The following CNTNAP2 variants were observed in gnomAD, a reference collection of about 807,000 sequenced individuals.
CNTNAP2 encodes contactin associated protein 2, also known as contactin-associated protein-like 2.
Under a neutral mutation model 155.2 loss-of-function variants are expected in CNTNAP2, and 98 were observed. The observed-to-expected ratio is 0.63, with a 90% confidence interval of 0.54 to 0.75. The LOEUF (loss-of-function observed/expected upper bound fraction) is 0.75, where lower values mean the gene tolerates loss of function less well. Ranked by LOEUF, CNTNAP2 falls within the 30% of genes least tolerant of loss-of-function variation. The pLI is 0.00. For missense variants in CNTNAP2, 1,727 were observed against 1,688.1 expected (o/e 1.02, Z -0.40); for synonymous variants, 651 against 631.2 (o/e 1.03, Z -0.47).
chr7:147,001,586 C>T (rs372274732), intron 3 of CNTNAP2, among the ~76,000 whole-genome samples: 2 of 152,018 alleles, frequency 1.3e-5, no homozygotes, highest in African/African-American at 4.8e-5. Flanking sequence ...CTTTCCAACA[C>T]AAATGCCTTC....
At chr7:148,334,790 G>C (rs1798088267) in intron 21 of CNTNAP2, among the ~76,000 whole-genome samples, 1 of 152,228 alleles carries the variant, frequency 6.6e-6, no homozygotes, top group Admixed American at 6.5e-5. Flanking sequence ...GCAAAGGCCT[G>C]CCTGGGGGAA....
intron 1 of CNTNAP2, among the ~76,000 whole-genome samples, chr7:146,168,153 C>G (rs951309149): frequency 2.6e-5 from 4 of 152,112 alleles, no homozygotes; most frequent in African/African-American, 4.8e-5. Flanking sequence ...TCTGCCTATT[C>G]CAGTCCACTG....
chr7:147,605,592 G>A (rs142926912), intron 12 of CNTNAP2, among the ~76,000 whole-genome samples: 6 of 152,178 alleles, frequency 3.9e-5, no homozygotes, highest in Non-Finnish European at 5.9e-5. Flanking sequence ...CATGGTGTCC[G>A]CCCTTCTTGT....
At chr7:147,308,180 G>A (rs1335329584) in intron 9 of CNTNAP2, among the ~76,000 whole-genome samples, 3 of 152,188 alleles carry the variant, frequency 2.0e-5, no homozygotes, top group Admixed American at 1.3e-4. Flanking sequence ...TGGTAGAGGG[G>A]AAAGCAAGTG....
At chr7:148,048,641 A>G (rs1429675778) in intron 15 of CNTNAP2, among the ~76,000 whole-genome samples, 2 of 152,094 alleles carry the variant, frequency 1.3e-5, no homozygotes, top group Non-Finnish European at 2.9e-5. Context: ...GATAGAGGGG[A>G]ATTCGAGAAG....
intron 1 of CNTNAP2, among the ~76,000 whole-genome samples, chr7:146,437,035 C>T (rs979715730): frequency 1.3e-5 from 2 of 151,510 alleles, no homozygotes; most frequent in Non-Finnish European, 2.9e-5. Context: ...CCGGGCCGCA[C>T]GGCAGGAGGT....
At chr7:147,893,028 A>G (rs191887084) in intron 13 of CNTNAP2, among the ~76,000 whole-genome samples, 13 of 152,324 alleles carry the variant, frequency 8.5e-5, no homozygotes, top group African/African-American at 3.1e-4. Flanking sequence ...CCAAACTCAC[A>G]TCACCATCTG....
chr7:146,321,710 A>G (rs1338365381), intron 1 of CNTNAP2, among the ~76,000 whole-genome samples: 1 of 152,196 alleles, frequency 6.6e-6, no homozygotes, highest in Non-Finnish European at 1.5e-5. Flanking sequence ...GGAGTGATGG[A>G]CAAAGCTAGG....
At chr7:148,195,471 G>A (rs751021482) in intron 18 of CNTNAP2, among the ~76,000 whole-genome samples, 5 of 152,168 alleles carry the variant, frequency 3.3e-5, no homozygotes, top group Non-Finnish European at 7.3e-5. Flanking sequence ...ACCTTTCTCT[G>A]TAGCATTAAA....
chr7:147,802,756 G>A (rs1798025639), intron 13 of CNTNAP2, among the ~76,000 whole-genome samples: 2 of 146,484 alleles, frequency 1.4e-5, no homozygotes, highest in African/African-American at 2.6e-5. Flanking sequence ...GGCATCAGAG[G>A]GAGACTGTGG....
intron 10 of CNTNAP2, among the ~76,000 whole-genome samples, chr7:147,412,267 C>G (rs1797116047): frequency 6.6e-6 from 1 of 152,218 alleles, no homozygotes; most frequent in South Asian, 2.1e-4. Flanking sequence ...TCCATCCCCT[C>G]TAGCCACGCT....
At chr7:146,143,133 T>C (rs1377657124) in intron 1 of CNTNAP2, among the ~76,000 whole-genome samples, 1 of 152,212 alleles carries the variant, frequency 6.6e-6, no homozygotes, top group Non-Finnish European at 1.5e-5. Context: ...TGTGTGGCTC[T>C]ATGTTGTGGC....
At chr7:147,365,516 C>T (rs1157171980) in intron 9 of CNTNAP2, among the ~76,000 whole-genome samples, 1 of 147,506 alleles carries the variant, frequency 6.8e-6, no homozygotes, top group Non-Finnish European at 1.5e-5. Context: ...TAAATATTTT[C>T]TACTATTCTA....
chr7:148,287,723 G>C (rs1563026401), intron 21 of CNTNAP2, among the ~76,000 whole-genome samples: 2 of 152,062 alleles, frequency 1.3e-5, no homozygotes, highest in South Asian at 4.1e-4. Flanking sequence ...GCATGGTGGA[G>C]GGCATCACAT....
In CNTNAP2 at chr7:146,333,614, A is replaced by G. The variant is rs1801221805; in HGVS notation, c.97+216641A>G. Among the ~76,000 whole-genome samples, 5 of 152,192 alleles carry G rather than the reference A, an allele frequency of 3.3e-5. No homozygotes were observed. The South Asian group carries it at 1.0e-3, about 32-fold the overall frequency. On this transcript the variant is annotated intron_variant, in intron 1 of 23. Coordinates refer to ENST00000361727, the MANE Select transcript of CNTNAP2 (RefSeq NM_014141.6). ...TCCAAGTCACATTTCTCTCTTAGTA[A>G]TCATATTATTAATATCAGTTAAGGA...
intron 15 of CNTNAP2, among the ~76,000 whole-genome samples, chr7:148,082,589 T>C (rs1426502149): frequency 1.3e-5 from 2 of 152,058 alleles, no homozygotes; most frequent in Non-Finnish European, 2.9e-5. Context: ...GAGAGAGAGC[T>C]TCAGGGAGGT....
At chr7:148,270,961 T>G (rs952747151) in intron 21 of CNTNAP2, among the ~76,000 whole-genome samples, 1 of 152,210 alleles carries the variant, frequency 6.6e-6, no homozygotes, top group South Asian at 2.1e-4. Context: ...AGACTTTTTT[T>G]GAAACTAATC....
At chr7:146,443,579 A>C (rs1796358833) in intron 1 of CNTNAP2, among the ~76,000 whole-genome samples, 1 of 152,222 alleles carries the variant, frequency 6.6e-6, no homozygotes. Flanking sequence ...TCCATCTAAC[A>C]ACCAGTTTAT....
intron 1 of CNTNAP2, among the ~76,000 whole-genome samples, chr7:146,315,867 C>T (rs1231957692): frequency 6.6e-6 from 1 of 152,112 alleles, no homozygotes; most frequent in Non-Finnish European, 1.5e-5. Flanking sequence ...ATGGGCCAGA[C>T]AGACATTCAT....
Sources: allele counts gnomAD v4.1 joint callset (sites outside exome capture counted in the v4.1 genomes callset), GRCh38; gene constraint gnomAD v4.1.1; transcripts MANE v1.5; gene names NCBI Gene and HGNC (gene_info 2026-07-23, HGNC 2026-07-21).